MACROD2: variants seen among roughly 807,000 people sequenced by gnomAD.
MACROD2 encodes the protein ADP-ribose glycohydrolase MACROD2.
A neutral mutation model predicts 70.4 loss-of-function variants in MACROD2; 36 were observed. The observed-to-expected ratio is 0.51, with a 90% CI of 0.39 to 0.68. MACROD2 has a LOEUF of 0.68. Among genes scored for constraint, MACROD2 ranks in the 30% least tolerant of loss-of-function variants. The pLI, the probability that MACROD2 is intolerant of heterozygous loss-of-function variation, is 0.00. For synonymous variants in MACROD2, 172 were observed against 178.8 expected, an observed-to-expected ratio of 0.96 and a Z score of 0.30; for missense variants, 496 against 538.4, an observed-to-expected ratio of 0.92 and a Z score of 0.78.
chr20:14,629,975 C>T (rs1382552001), intron 4 of MACROD2, among the ~76,000 whole-genome samples: 4 of 151,952 alleles, frequency 2.6e-5, no homozygotes, highest in Non-Finnish European at 4.4e-5. Flanking sequence ...ATCTATCTAT[C>T]TATCTATCTA....
chr20:15,179,422 G>A (rs542093126), intron 5 of MACROD2, among the ~76,000 whole-genome samples: 16 of 152,138 alleles, frequency 1.1e-4, no homozygotes, highest in East Asian at 5.8e-4. Context: ...ACCCTCTCCC[G>A]GAGGAGTGTC....
chr20:15,792,306 G>A (rs2063631441), intron 8 of MACROD2, among the ~76,000 whole-genome samples: 1 of 152,046 alleles, frequency 6.6e-6, no homozygotes, highest in South Asian at 2.1e-4. Context: ...TTTGGAATTA[G>A]TGGAAAGTCT....
At chr20:15,084,540 G>C (rs947160484) in intron 5 of MACROD2, among the ~76,000 whole-genome samples, 1 of 152,154 alleles carries the variant, frequency 6.6e-6, no homozygotes, top group Non-Finnish European at 1.5e-5. Context: ...TGTTATCACA[G>C]TAAAAGCTAA....
intron 4 of MACROD2, among the ~76,000 whole-genome samples, chr20:14,536,090 A>G (rs185152240): frequency 2.0e-5 from 3 of 152,328 alleles, no homozygotes; most frequent in East Asian, 3.9e-4. Flanking sequence ...CATTTGAACT[A>G]TTTGTCATTG....
At chr20:14,698,390 C>A (rs1214198451) in intron 5 of MACROD2, among the ~76,000 whole-genome samples, 9 of 152,126 alleles carry the variant, frequency 5.9e-5, no homozygotes, top group African/African-American at 2.2e-4. Flanking sequence ...ACCCTACCCT[C>A]ACAGGGAGGC....
chr20:14,200,268 A>G lies in MACROD2; in HGVS notation c.271+114540A>G, dbSNP rs2148746765. ...TGGAGGCCATTATCCTTAGCAAACT[A>G]ACACAGGAACAGAAAACCAAATATA... On this transcript the variant is annotated intron_variant, in intron 3 of 17. Transcript: ENST00000684519. 4.6e-5 allele frequency among the ~76,000 whole-genome samples: 7 copies of G among 152,290 alleles called. 1 individual carries two copies. The Middle Eastern group carries it at 0.024, about 518-fold the overall frequency.
At chr20:14,933,589 C>A (rs1312827966) in intron 5 of MACROD2, among the ~76,000 whole-genome samples, 2 of 151,648 alleles carry the variant, frequency 1.3e-5, no homozygotes, top group Non-Finnish European at 2.9e-5. Flanking sequence ...ATGATCATGC[C>A]ACTGCACTCC....
At chr20:14,098,226 A>T (rs996896717) in intron 3 of MACROD2, among the ~76,000 whole-genome samples, 2 of 152,228 alleles carry the variant, frequency 1.3e-5, no homozygotes, top group East Asian at 1.9e-4. Context: ...CTGTACAAAG[A>T]TATGTGTAAG....
intron 8 of MACROD2, among the ~76,000 whole-genome samples, chr20:15,845,357 CG>C (rs1309744360): frequency 1.3e-5 from 2 of 152,064 alleles, no homozygotes; most frequent in African/African-American, 4.8e-5. Context: ...TCTATGAAGA[CG>C]GTCAGTAACT....
At chr20:14,273,938 A>G (rs201624297) in intron 3 of MACROD2, among the ~76,000 whole-genome samples, 3,355 of 152,258 alleles carry the variant, frequency 0.022, 39 homozygotes, top group Non-Finnish European at 0.024. Flanking sequence ...TCCCAAGACT[A>G]AACCAGGAAG....
chr20:15,828,941 T>C (rs1353124083), intron 8 of MACROD2, among the ~76,000 whole-genome samples: 2 of 152,256 alleles, frequency 1.3e-5, no homozygotes, highest in Non-Finnish European at 2.9e-5. Context: ...GTAAATACCA[T>C]AATTTTTTAG....
At chr20:15,308,105 G>A (rs1224978158) in intron 6 of MACROD2, among the ~76,000 whole-genome samples, 1 of 152,072 alleles carries the variant, frequency 6.6e-6, no homozygotes, top group Non-Finnish European at 1.5e-5. Flanking sequence ...ACATGATATG[G>A]ATGGTATCTG....
At chr20:14,467,128 C>T (rs1012907498) in intron 3 of MACROD2, among the ~76,000 whole-genome samples, 2 of 152,174 alleles carry the variant, frequency 1.3e-5, no homozygotes, top group African/African-American at 4.8e-5. Context: ...CCCTGCCCCC[C>T]AGAGGTGGAG....
intron 5 of MACROD2, among the ~76,000 whole-genome samples, chr20:15,227,796 G>A (rs1322665430): frequency 2.2e-5 from 3 of 136,258 alleles, no homozygotes; most frequent in African/African-American, 8.2e-5. Context: ...CTTGCAGTAA[G>A]GTAACTGGTG....
chr20:14,808,826 CAAA>C, intron 5 of MACROD2, among the ~76,000 whole-genome samples: 1 of 150,404 alleles, frequency 6.6e-6, no homozygotes, highest in Non-Finnish European at 1.5e-5. Flanking sequence ...CAGCAAAGAT[CAAA>C]AAAGACAAAG....
At chr20:14,148,602 G>T (rs915735922) in intron 3 of MACROD2, among the ~76,000 whole-genome samples, 2 of 152,202 alleles carry the variant, frequency 1.3e-5, no homozygotes, top group African/African-American at 4.8e-5. Flanking sequence ...ATTCTTTCAA[G>T]ATTAATGTTT....
rs868516671 is a variant in MACROD2 at position 15,148,646 on chromosome 20, C to T, written c.419-81294C>T. Among the ~76,000 whole-genome samples the T allele has an allele frequency of 1.1e-4, 16 of 152,072 alleles. 1 individual carries two copies. The highest frequency in any genetic ancestry group is 2.9e-4 in the African/African-American group (12 of 41,414). ...TTTTTGGGGCGCAGTCCAAGTTGGTCTGGTGTCTGGGATGAGACTGGGGCC... is the reference window on the plus strand; with the variant it reads ...TTTTTGGGGCGCAGTCCAAGTTGGTTTGGTGTCTGGGATGAGACTGGGGCC... On this transcript the variant is annotated intron_variant, in intron 5 of 17. Coordinates refer to ENST00000684519, the MANE Select transcript of MACROD2 (RefSeq NM_001351661.2).
chr20:15,611,174 G>A (rs1316401601), intron 8 of MACROD2, among the ~76,000 whole-genome samples: 1 of 151,878 alleles, frequency 6.6e-6, no homozygotes, highest in Non-Finnish European at 1.5e-5. Context: ...ACCAGACACT[G>A]CACATGATGT....
intron 4 of MACROD2, among the ~76,000 whole-genome samples, chr20:14,624,464 A>G (rs1463605743): frequency 6.6e-6 from 1 of 152,236 alleles, no homozygotes; most frequent in African/African-American, 2.4e-5. Flanking sequence ...GAGTCATATA[A>G]TCTGGCATCT....
Sources: allele counts gnomAD v4.1 joint callset (sites outside exome capture counted in the v4.1 genomes callset), GRCh38; gene constraint gnomAD v4.1.1; transcripts MANE v1.5; gene names NCBI Gene and HGNC (gene_info 2026-07-23, HGNC 2026-07-21).